CNTN5: variants seen among roughly 807,000 people sequenced by gnomAD.
CNTN5 encodes the protein contactin 5, also known as contactin-5.
In CNTN5, 77 loss-of-function variants were observed where a neutral mutation model predicts 129.1. The ratio of observed to expected loss-of-function variants is 0.60; its 90% CI spans 0.50 to 0.72. CNTN5 has a LOEUF of 0.72. CNTN5 is among the 30% of genes least tolerant of loss of function. The pLI is 0.00. For missense variants in CNTN5, 1,478 were observed against 1,328.8 expected, an observed-to-expected ratio of 1.11 and a Z score of -1.75; for synonymous variants, 509 against 465.6, an observed-to-expected ratio of 1.09 and a Z score of -1.20.
At chr11:99,996,258 T>G (rs1362407346) in intron 8 of CNTN5, among the ~76,000 whole-genome samples, 2 of 152,140 alleles carry the variant, frequency 1.3e-5, no homozygotes, top group Non-Finnish European at 2.9e-5. Flanking sequence ...CAGGTCTTTA[T>G]CTTGTATTAC....
Position 100,234,998 on chromosome 11 carries a change from C to A in CNTN5, c.2005+10186C>A, listed in dbSNP as rs1375811683. Among the ~76,000 whole-genome samples the A allele has an allele frequency of 3.9e-5, 6 of 152,058 alleles. No individual in the cohort carries two copies. In the South Asian group the frequency reaches 1.0e-3, roughly 26 times the overall value. On this transcript the variant is annotated intron_variant, in intron 16 of 24. Transcript: ENST00000524871. ...CCTGACCATTCCCATTGCTAAAATT[C>A]TTTAACTCTTTGATATTTGTTGTTT...
intron 7 of CNTN5, among the ~76,000 whole-genome samples, chr11:99,942,882 A>G (rs992647859): frequency 6.6e-6 from 1 of 152,192 alleles, no homozygotes; most frequent in South Asian, 2.1e-4. Flanking sequence ...GCTGCATAGT[A>G]TTCCATATGT....
intron 7 of CNTN5, among the ~76,000 whole-genome samples, chr11:99,948,573 T>C (rs1434718056): frequency 6.6e-6 from 1 of 152,210 alleles, no homozygotes; most frequent in African/African-American, 2.4e-5. Context: ...CTAGTAAACA[T>C]TTGAAACCAC....
At chr11:99,364,148 G>T in intron 2 of CNTN5, among the ~76,000 whole-genome samples, 1 of 151,860 alleles carries the variant, frequency 6.6e-6, no homozygotes, top group East Asian at 1.9e-4. Context: ...AAGAGAAAAA[G>T]GTTTTTTATA....
chr11:99,689,922 T>A (rs1953970154), intron 3 of CNTN5, among the ~76,000 whole-genome samples: 1 of 152,188 alleles, frequency 6.6e-6, no homozygotes, highest in South Asian at 2.1e-4. Flanking sequence ...GTCCAGAAGA[T>A]CTTTAGTTTA....
At chr11:99,356,701 A>T (rs922897664) in intron 2 of CNTN5, among the ~76,000 whole-genome samples, 92 of 151,846 alleles carry the variant, frequency 6.1e-4, no homozygotes, top group African/African-American at 2.1e-3. Flanking sequence ...TTTAATGTAT[A>T]ATAAAACAAA....
intron 2 of CNTN5, among the ~76,000 whole-genome samples, chr11:99,335,224 G>A (rs555603152): frequency 3.4e-4 from 51 of 152,174 alleles, no homozygotes; most frequent in African/African-American, 1.2e-3. Context: ...GTGAGATCAA[G>A]AAGTAACTAG....
intron 13 of CNTN5, among the ~76,000 whole-genome samples, chr11:100,104,542 A>C (rs1357825991): frequency 6.6e-6 from 1 of 152,186 alleles, no homozygotes; most frequent in African/African-American, 2.4e-5. Flanking sequence ...TATATCATCA[A>C]ATTTAATCCT....
At chr11:99,932,800 A>G (rs1950222959) in intron 7 of CNTN5, among the ~76,000 whole-genome samples, 1 of 152,176 alleles carries the variant, frequency 6.6e-6, no homozygotes, top group Non-Finnish European at 1.5e-5. Flanking sequence ...ATGGTTAACA[A>G]AGTAACAAAG....
At chr11:100,287,448 A>G (rs1339364625) in intron 18 of CNTN5, among the ~76,000 whole-genome samples, 3 of 151,252 alleles carry the variant, frequency 2.0e-5, no homozygotes, top group African/African-American at 7.3e-5. Flanking sequence ...GTGGGGGCCA[A>G]TATTCAACAT....
chr11:99,938,381 ATAG>A, intron 7 of CNTN5, among the ~76,000 whole-genome samples: 1 of 152,302 alleles, frequency 6.6e-6, no homozygotes, highest in African/African-American at 2.4e-5. Context: ...TATCTGACAC[ATAG>A]TAAGTTCTTA....
At chr11:99,497,983 T>C (rs1191755538) in intron 2 of CNTN5, among the ~76,000 whole-genome samples, 1 of 152,084 alleles carries the variant, frequency 6.6e-6, no homozygotes, top group Non-Finnish European at 1.5e-5. Flanking sequence ...TAGAGTTGAT[T>C]TTGACCAGAG....
intron 2 of CNTN5, among the ~76,000 whole-genome samples, chr11:99,408,523 G>A (rs1942241603): frequency 7.8e-6 from 1 of 128,002 alleles, no homozygotes; most frequent in Non-Finnish European, 1.7e-5. Context: ...CATAGAAATT[G>A]GAGTCTCAAT....
At chr11:100,216,273 G>A (rs935894417) in intron 15 of CNTN5, among the ~76,000 whole-genome samples, 1 of 152,072 alleles carries the variant, frequency 6.6e-6, no homozygotes, top group African/African-American at 2.4e-5. Flanking sequence ...CCAGATTTGT[G>A]TTAAGACACT....
chr11:99,742,087 T>G lies in CNTN5; in HGVS notation c.56-77457T>G, dbSNP rs368463951. 2.0e-4 allele frequency among the ~76,000 whole-genome samples: 31 copies of G among 152,202 alleles called. 1 individual carries two copies. Among genetic ancestry groups the G allele is most frequent in the African/African-American group, 5.8e-4 (24 of 41,552 alleles). Reference sequence around the variant, plus strand: ...TAAATGTTATGTGCAAGCAACAACATAAAGATTAGTCCATGTAATTATAAC... The same window carrying G: ...TAAATGTTATGTGCAAGCAACAACAGAAAGATTAGTCCATGTAATTATAAC... On this transcript the variant is annotated intron_variant, in intron 3 of 24. Coordinates refer to ENST00000524871, the MANE Select transcript of CNTN5 (RefSeq NM_014361.4).
chr11:100,345,110 T>C (rs901697152), intron 23 of CNTN5, among the ~76,000 whole-genome samples: 3 of 152,150 alleles, frequency 2.0e-5, no homozygotes, highest in African/African-American at 7.2e-5. Context: ...ATAACAGATA[T>C]CTGGGACTGG....
In CNTN5 at chr11:99,998,834, C is replaced by T. The variant is rs545363114; in HGVS notation, c.878-3200C>T. Among the ~76,000 whole-genome samples, 5 of 151,032 alleles carry T rather than the reference C, an allele frequency of 3.3e-5. No individual in the cohort carries two copies. The South Asian group carries it at 8.4e-4, about 25-fold the overall frequency. The stretch of plus-strand genomic sequence containing the variant: ...TATAGACCAATGGAACAGAACAGAG[C>T]CCTCAGAAATAATGCCGCATATCTA... On this transcript the variant is annotated intron_variant, in intron 8 of 24. Transcript: ENST00000524871.
intron 1 of CNTN5, among the ~76,000 whole-genome samples, chr11:99,124,008 T>C (rs888770692): frequency 1.3e-5 from 2 of 152,046 alleles, no homozygotes; most frequent in African/African-American, 2.4e-5. Flanking sequence ...TTGTGTTGCC[T>C]ATTTGGACTC....
chr11:99,329,885 TTATCTA>T (rs1211353755), intron 2 of CNTN5, among the ~76,000 whole-genome samples: 1 of 149,044 alleles, frequency 6.7e-6, no homozygotes, highest in Non-Finnish European at 1.5e-5. Context: ...AAAATCGATC[TTATCTA>T]TATCTGTACA....
Sources: allele counts gnomAD v4.1 joint callset (sites outside exome capture counted in the v4.1 genomes callset), GRCh38; gene constraint gnomAD v4.1.1; transcripts MANE v1.5; gene names NCBI Gene and HGNC (gene_info 2026-07-23, HGNC 2026-07-21).